Variants in NRXN1 observed in about 807,000 individuals in gnomAD.
NRXN1 encodes neurexin-1.
In NRXN1, 39 loss-of-function variants were observed where a neutral mutation model predicts 150.9. The observed-to-expected ratio is 0.26, with a 90% CI of 0.20 to 0.34. The LOEUF is 0.34. Ranked by LOEUF, NRXN1 falls within the 10% of genes least tolerant of loss-of-function variation. The pLI is 1.00. For synonymous variants in NRXN1, 924 were observed against 757.0 expected, an observed-to-expected ratio of 1.22 and a Z score of -3.62; for missense variants, 1,815 against 1,949.9, an observed-to-expected ratio of 0.93 and a Z score of 1.30.
intron 17 of NRXN1, among the ~76,000 whole-genome samples, chr2:50,355,620 A>C (rs2078743529): frequency 6.6e-6 from 1 of 151,984 alleles, no homozygotes; most frequent in African/African-American, 2.4e-5. Flanking sequence ...TATCTTTTCT[A>C]CTTCCTTCGT....
intron 5 of NRXN1, among the ~76,000 whole-genome samples, chr2:50,856,291 C>T (rs528566569): frequency 2.6e-5 from 4 of 152,028 alleles, no homozygotes; most frequent in African/African-American, 9.6e-5. Context: ...CTTAAAAATC[C>T]TGGATCATTT....
chr2:50,552,278 T>A (rs973304833), intron 9 of NRXN1, among the ~76,000 whole-genome samples: 3 of 152,208 alleles, frequency 2.0e-5, no homozygotes, highest in African/African-American at 7.2e-5. Context: ...TAGAAAAACT[T>A]TGAATTTTTT....
chr2:50,712,465 A>G (rs151163405), intron 5 of NRXN1, among the ~76,000 whole-genome samples: 119 of 152,304 alleles, frequency 7.8e-4, no homozygotes, highest in African/African-American at 2.7e-3. Context: ...CCAGTGGTCA[A>G]CTTCTCAGCT....
intron 17 of NRXN1, among the ~76,000 whole-genome samples, chr2:50,422,837 T>C (rs1194783391): frequency 6.6e-6 from 1 of 152,152 alleles, no homozygotes; most frequent in Non-Finnish European, 1.5e-5. Context: ...CGTGGATAAA[T>C]CTTTAGACAT....
chr2:50,047,734 C>T (rs551923529), intron 21 of NRXN1, among the ~76,000 whole-genome samples: 2 of 151,640 alleles, frequency 1.3e-5, no homozygotes, highest in Non-Finnish European at 2.9e-5. Flanking sequence ...TTTCCTGCAG[C>T]CTTTGACATC....
intron 8 of NRXN1, among the ~76,000 whole-genome samples, chr2:50,609,959 T>C (rs1209416855): frequency 6.6e-6 from 1 of 152,190 alleles, no homozygotes; most frequent in Non-Finnish European, 1.5e-5. Context: ...TTTCCTATTA[T>C]TCAAAATCAC....
intron 15 of NRXN1, among the ~76,000 whole-genome samples, chr2:50,479,098 A>G (rs1186354765): frequency 6.6e-6 from 1 of 152,216 alleles, no homozygotes; most frequent in East Asian, 1.9e-4. Flanking sequence ...AGCAGTGATC[A>G]AGATTTTGAA....
chr2:50,741,838 G>C (rs1160112862), intron 5 of NRXN1, among the ~76,000 whole-genome samples: 1 of 152,076 alleles, frequency 6.6e-6, no homozygotes, highest in Non-Finnish European at 1.5e-5. Flanking sequence ...TTGACCCCCA[G>C]AAACAAAAAT....
At chr2:50,929,259 C>T (rs936319025) in intron 2 of NRXN1, among the ~76,000 whole-genome samples, 6 of 151,900 alleles carry the variant, frequency 3.9e-5, no homozygotes, top group African/African-American at 1.4e-4. Flanking sequence ...AACAAATGTG[C>T]TTGTTTCAAT....
chr2:50,104,310 A>G, intron 18 of NRXN1, among the ~76,000 whole-genome samples: 1 of 152,100 alleles, frequency 6.6e-6, no homozygotes, highest in East Asian at 1.9e-4. Context: ...AGCAAGAAAT[A>G]TACTGTTGTG....
At chr2:50,410,196 G>GA (rs560595370) in intron 17 of NRXN1, among the ~76,000 whole-genome samples, 5 of 149,972 alleles carry the variant, frequency 3.3e-5, no homozygotes, top group Admixed American at 6.6e-5. Flanking sequence ...ATAGAGTGAA[G>GA]AAAAAAAAAG....
rs983005095 is a variant in NRXN1 at position 50,191,409 on chromosome 2, A to G, written c.3546+45380T>C. Among the ~76,000 whole-genome samples, 5 of 152,118 alleles carry G rather than the reference A, an allele frequency of 3.3e-5. No homozygotes were observed. In the East Asian group the frequency reaches 9.6e-4, roughly 29 times the overall value. ...TAAATTAGGAAATTGACTTTGGTCT[A>G]GAGATTATTCCGACTTCACTGGTTT... On this transcript the variant is annotated intron_variant, in intron 18 of 22. Coordinates refer to ENST00000401669, the MANE Select transcript of NRXN1 (RefSeq NM_001330078.2).
At chr2:50,805,655 G>T (rs941239169) in intron 5 of NRXN1, among the ~76,000 whole-genome samples, 2 of 152,002 alleles carry the variant, frequency 1.3e-5, no homozygotes, top group African/African-American at 2.4e-5. Flanking sequence ...CGGAAGGAAG[G>T]AAGGAAATAA....
intron 13 of NRXN1, among the ~76,000 whole-genome samples, chr2:50,504,427 A>G (rs1442965981): frequency 3.9e-5 from 6 of 152,282 alleles, no homozygotes; most frequent in Admixed American, 2.6e-4. Context: ...AAAGTTAGAG[A>G]GAGAAGAGAC....
chr2:50,584,871 T>C (rs1672840238), intron 8 of NRXN1, among the ~76,000 whole-genome samples: 1 of 152,216 alleles, frequency 6.6e-6, no homozygotes, highest in Non-Finnish European at 1.5e-5. Flanking sequence ...CATGTAGAAA[T>C]GAGAAGGTAA....
chr2:50,251,201 G>T (rs879845216), intron 17 of NRXN1, among the ~76,000 whole-genome samples: 1 of 151,872 alleles, frequency 6.6e-6, no homozygotes, highest in Non-Finnish European at 1.5e-5. Flanking sequence ...TCCCTGACAG[G>T]CACCACTGTG....
At chr2:50,591,200 G>C (rs554442918) in intron 8 of NRXN1, among the ~76,000 whole-genome samples, 5 of 151,924 alleles carry the variant, frequency 3.3e-5, no homozygotes, top group African/African-American at 1.2e-4. Flanking sequence ...TGAGCTTGTT[G>C]TTTATTCAAC....
At chr2:50,631,485 A>G (rs974122360) in intron 5 of NRXN1, 11 of 156,822 alleles carry the variant, frequency 7.0e-5, no homozygotes. Flanking sequence ...CTAACTGAGG[A>G]AAAGTCAGAA....
intron 17 of NRXN1, among the ~76,000 whole-genome samples, chr2:50,432,876 C>T (rs148125439): frequency 1.3e-5 from 2 of 152,210 alleles, no homozygotes; most frequent in East Asian, 3.9e-4. Flanking sequence ...TTCCTTTTTG[C>T]CAGCAGAGGC....
Sources: gnomAD v4.1 joint callset for allele counts (sites outside exome capture counted in the v4.1 genomes callset) on GRCh38, gnomAD v4.1.1 for gene constraint, MANE v1.5 for transcripts, NCBI Gene and HGNC (gene_info 2026-07-23, HGNC 2026-07-21) for gene names.